Variants in PTER observed in about 807,000 individuals in gnomAD.
PTER encodes the protein N-acetyltaurine hydrolase.
Under a neutral mutation model 29.6 loss-of-function variants are expected in PTER, and 38 were observed. That is an observed-to-expected ratio of 1.28 (90% CI 0.99 to 1.68). PTER has a LOEUF of 1.68. PTER is among the 40% of genes most tolerant of loss of function. The pLI is 0.00. For synonymous variants in PTER, 172 were observed against 154.5 expected, an observed-to-expected ratio of 1.11 and a Z score of -0.84; for missense variants, 482 against 427.8, an observed-to-expected ratio of 1.13 and a Z score of -1.12.
intron 1 of PTER, among the ~76,000 whole-genome samples, chr10:16,469,306 A>G (rs1834960321): frequency 6.6e-6 from 1 of 152,188 alleles, no homozygotes; most frequent in Non-Finnish European, 1.5e-5. Context: ...ATAGGGTACT[A>G]TCAGGCTCTA....
intron 1 of PTER, among the ~76,000 whole-genome samples, chr10:16,456,151 G>C (rs1384383857): frequency 6.6e-6 from 1 of 152,110 alleles, no homozygotes; most frequent in African/African-American, 2.4e-5. Context: ...TTCTAAATCT[G>C]TTCACCTGTG....
intron 3 of PTER, among the ~76,000 whole-genome samples, chr10:16,500,512 A>G (rs1836293712): frequency 6.6e-6 from 1 of 152,166 alleles, no homozygotes; most frequent in African/African-American, 2.4e-5. Flanking sequence ...TTGGCTTCCC[A>G]AAGTGCTGGG....
chr10:16,511,453 G>A lies in PTER; in HGVS notation c.*197G>A. The A allele has an allele frequency of 1.7e-6, 1 of 580,504 alleles. No homozygotes were observed. The highest frequency in any genetic ancestry group is 3.1e-6 in the Non-Finnish European group (1 of 326,388). The allele number at this position is 580,504 out of a possible 1,614,324, so 36.0% of individuals were successfully genotyped here. On this transcript the variant is annotated 3_prime_UTR_variant, in exon 5 of 5. Transcript: ENST00000535784. ...CTCTAGGGAGTTACTCAGCCTAATT[G>A]AGCCCTATTATTTTAACTTAACAAA...
intron 1 of PTER, among the ~76,000 whole-genome samples, chr10:16,441,307 T>C (rs1247648835): frequency 6.6e-6 from 1 of 152,228 alleles, no homozygotes; most frequent in Non-Finnish European, 1.5e-5. Context: ...CAGTTATCAG[T>C]GGATACATTT....
intron 1 of PTER, among the ~76,000 whole-genome samples, chr10:16,453,068 A>G (rs952841232): frequency 1.3e-5 from 2 of 152,104 alleles, no homozygotes; most frequent in African/African-American, 4.8e-5. Flanking sequence ...TTATTTTTTA[A>G]TATAATAGAG....
intron 1 of PTER, among the ~76,000 whole-genome samples, chr10:16,453,536 A>G (rs990539210): frequency 2.0e-5 from 3 of 152,204 alleles, no homozygotes; most frequent in Admixed American, 1.3e-4. Flanking sequence ...CACAAGCAGT[A>G]TGAAGAATGA....
chr10:16,467,686 C>T (rs1270536596), intron 1 of PTER, among the ~76,000 whole-genome samples: 2 of 152,054 alleles, frequency 1.3e-5, no homozygotes, highest in East Asian at 1.9e-4. Flanking sequence ...GTAGTGGGTG[C>T]CTGTAATCCT....
intron 3 of PTER, among the ~76,000 whole-genome samples, chr10:16,487,083 C>T (rs1478933332): frequency 1.3e-5 from 2 of 152,158 alleles, no homozygotes; most frequent in Non-Finnish European, 2.9e-5. Flanking sequence ...ATTTGTGTCA[C>T]TTGTGGTTTG....
intron 1 of PTER, among the ~76,000 whole-genome samples, chr10:16,446,161 G>A (rs373421096): frequency 2.7e-4 from 41 of 152,168 alleles, no homozygotes; most frequent in Middle Eastern, 3.4e-3. Context: ...TTGAATGTTC[G>A]GGGGTGGGGA....
chr10:16,488,288 T>C (rs1246711946), intron 3 of PTER, among the ~76,000 whole-genome samples: 1 of 152,034 alleles, frequency 6.6e-6, no homozygotes, highest in Admixed American at 6.5e-5. Flanking sequence ...CTAACTCTCA[T>C]TGGTGTAACA....
intron 3 of PTER, among the ~76,000 whole-genome samples, chr10:16,497,075 C>T (rs549454878): frequency 6.6e-6 from 1 of 152,076 alleles, no homozygotes; most frequent in South Asian, 2.1e-4. Context: ...GCTAGGATTA[C>T]AGGTGCCTGC....
chr10:16,504,943 G>A (rs947844226), intron 3 of PTER, 77 bp from the exon 4 acceptor site: 6 of 1,504,818 alleles, frequency 4.0e-6, no homozygotes, highest in Non-Finnish European at 5.4e-6. Context: ...TGTACATTGT[G>A]TGCTTAAAAC....
At chr10:16,463,362 G>A (rs1158222078) in intron 1 of PTER, among the ~76,000 whole-genome samples, 2 of 152,022 alleles carry the variant, frequency 1.3e-5, no homozygotes, top group Non-Finnish European at 2.9e-5. Flanking sequence ...TGATAAATTG[G>A]GATTCTTGTC....
intron 4 of PTER, 47 bp from the exon 5 acceptor site, chr10:16,510,999 C>T (rs376721948): frequency 3.0e-5 from 46 of 1,536,654 alleles, no homozygotes; most frequent in Non-Finnish European, 3.5e-5. Context: ...TCCTGAAAAG[C>T]GAAAATGAAA....
rs763453223 is a variant in PTER, at chr10:16,486,456, T to A, written c.537T>A (p.Ser179Arg). ...EIGCSWPLTESERKVLQATAH... is the reference protein window; with the variant it reads ...EIGCSWPLTERERKVLQATAH... ...GTTGCTCCTGGCCTTTGACTGAGAG[T>A]GAAAGAAAGGTTCTCCAGGCCACAG... Residue 179 changes from serine (S) to arginine (R), a missense_variant, in exon 3 of 5, where the codon AGT (serine) becomes AGA (arginine). Coordinates refer to ENST00000535784, the MANE Select transcript of PTER (RefSeq NM_001261836.2). The A allele has an allele frequency of 2.7e-5, 44 of 1,613,716 alleles. No homozygotes were observed. The highest frequency in any genetic ancestry group is 3.6e-5 in the Non-Finnish European group (43 of 1,179,942).
chr10:16,465,523 A>C (rs1201086770), intron 1 of PTER, among the ~76,000 whole-genome samples: 4 of 152,204 alleles, frequency 2.6e-5, no homozygotes, highest in Non-Finnish European at 5.9e-5. Context: ...AGGAAGCATA[A>C]AGATCATTGG....
intron 1 of PTER, among the ~76,000 whole-genome samples, chr10:16,443,471 T>C (rs1833913390): frequency 6.6e-6 from 1 of 152,222 alleles, no homozygotes; most frequent in African/African-American, 2.4e-5. Flanking sequence ...GCTACTGTTT[T>C]TGGAGTTATT....
At chr10:16,515,288 C>G (rs1036610328), downstream of PTER, among the ~76,000 whole-genome samples, 1 of 151,624 alleles carries the variant, frequency 6.6e-6, no homozygotes, top group African/African-American at 2.4e-5. Context: ...ATGTAAAGCC[C>G]CCTTTACCAG....
At position 16,484,479 on chromosome 10, in the gene PTER, C is replaced by G. The variant is rs748461208; in HGVS notation, c.95C>G (p.Thr32Ser). 6.2e-7 allele frequency: 1 copy of G among 1,614,056 alleles called. No individual in the cohort carries two copies. Among genetic ancestry groups the G allele is most frequent in the Admixed American group, 1.7e-5 (1 of 59,996 alleles). ...RTLTHEHLAM[T>S]FDCCYCPPPP... is the part of the protein sequence containing the mutation. ...CTGACCCATGAACACCTGGCCATGA[C>G]CTTTGACTGCTGTTACTGTCCACCT... The change falls in exon 2 of 5, where the codon ACC (threonine) becomes AGC (serine). Residue 32 changes from threonine to serine, a missense_variant. Coordinates refer to ENST00000535784, the MANE Select transcript of PTER (RefSeq NM_001261836.2).
Sources: gnomAD v4.1 joint callset for allele counts (sites outside exome capture counted in the v4.1 genomes callset) on GRCh38, gnomAD v4.1.1 for gene constraint, MANE v1.5 for transcripts, NCBI Gene and HGNC (gene_info 2026-07-23, HGNC 2026-07-21) for gene names.